The following PI4KA variants were observed in gnomAD, a reference collection of about 807,000 sequenced individuals.
PI4KA encodes phosphatidylinositol 4-kinase alpha, also known as PI4-kinase alpha.
In PI4KA, 122 loss-of-function variants were observed where a neutral mutation model predicts 271.4. The observed-to-expected ratio is 0.45, with a 90% CI of 0.39 to 0.52. The LOEUF is 0.52. PI4KA is among the 20% of genes least tolerant of loss of function. The pLI, the probability that PI4KA is intolerant of heterozygous loss-of-function variation, is 0.00. For synonymous variants in PI4KA, 1,041 were observed against 1,078.8 expected (o/e 0.96, Z 0.69); for missense variants, 1,969 against 2,769.1 (o/e 0.71, Z 6.48).
chr22:20,835,129 T>G (rs1202534932), intron 2 of PI4KA, among the ~76,000 whole-genome samples: 2 of 151,992 alleles, frequency 1.3e-5, no homozygotes, highest in African/African-American at 2.4e-5. Flanking sequence ...CCATTTTCCT[T>G]GTGTTTTTTT....
chr22:20,751,534 C>T, intron 26 of PI4KA, 140 bp downstream of exon 26: 4 of 944,036 alleles, frequency 4.2e-6, no homozygotes, highest in East Asian at 2.5e-5. Context: ...GGCCCCCTCA[C>T]CCCCAACTCG....
intron 32 of PI4KA, 31 bp from the exon 33 acceptor site, chr22:20,734,584 T>C: frequency 6.3e-7 from 1 of 1,599,042 alleles, no homozygotes; most frequent in Non-Finnish European, 8.5e-7. Context: ...TTAGCTCCTC[T>C]GTGAAACACA....
At chr22:20,835,154 C>T (rs1924699284) in intron 2 of PI4KA, among the ~76,000 whole-genome samples, 1 of 151,478 alleles carries the variant, frequency 6.6e-6, no homozygotes, top group Non-Finnish European at 1.5e-5. Context: ...TAATTTTCTA[C>T]TTCATGTTTC....
intron 3 of PI4KA, 35 bp downstream of exon 3, chr22:20,834,527 C>T (rs573214016): frequency 1.6e-6 from 2 of 1,237,882 alleles, no homozygotes; most frequent in South Asian, 1.2e-5. Flanking sequence ...TGTGTATTTT[C>T]TCTTATATTC....
intron 9 of PI4KA, among the ~76,000 whole-genome samples, chr22:20,809,600 C>T (rs1935877534): frequency 6.6e-6 from 1 of 152,142 alleles, no homozygotes; most frequent in Non-Finnish European, 1.5e-5. Flanking sequence ...CAGCCCAGCT[C>T]TCGCCCTGGT....
chr22:20,721,372 T>A lies in PI4KA; in HGVS notation c.5042A>T (p.Gln1681Leu), dbSNP rs756071568. 1 of 1,614,024 alleles carries A rather than the reference T, an allele frequency of 6.2e-7. No homozygotes were observed. The highest frequency in any genetic ancestry group is 1.1e-5 in the South Asian group (1 of 91,074). Residue 1681 changes from glutamine to leucine, a missense_variant, in exon 43 of 55, where the codon CAG becomes CTG. By Grantham distance (113) the Gln-to-Leu change is moderately radical (BLOSUM62 -2). This residue lies in a region of PI4KA where 388 missense variants were observed against 521.5 expected (regional missense o/e 0.74). Coordinates refer to ENST00000255882, the MANE Select transcript of PI4KA (RefSeq NM_058004.4). ...CCAGATGAACTGGTGTGCCAGAAGC[T>A]GGGATTTAGACGCTGCCCACAGAAT... Reference protein sequence around the residue: ...EYILWAASKSQLLAHQFIWNM... With the variant: ...EYILWAASKSLLLAHQFIWNM...
chr22:20,780,288 T>C, intron 19 of PI4KA: 1 of 1,582,850 alleles, frequency 6.3e-7, no homozygotes, highest in Non-Finnish European at 8.7e-7. Context: ...AACTGTACTG[T>C]AGCTATAATT....
intron 1 of PI4KA, among the ~76,000 whole-genome samples, chr22:20,840,758 G>A (rs1269682463): frequency 6.6e-6 from 1 of 151,992 alleles, no homozygotes; most frequent in Non-Finnish European, 1.5e-5. Flanking sequence ...GCTCATGCCT[G>A]TAATCCCAGC....
chr22:20,757,592 T>A (rs773515526), intron 23 of PI4KA, among the ~76,000 whole-genome samples: 13 of 152,134 alleles, frequency 8.5e-5, no homozygotes, highest in South Asian at 2.1e-4. Flanking sequence ...TCTCCCAGGC[T>A]GGAGTGTGTG....
intron 19 of PI4KA, 107 bp downstream of exon 19, chr22:20,793,086 G>C (rs1467175545): frequency 2.7e-6 from 2 of 744,628 alleles, no homozygotes; most frequent in Non-Finnish European, 4.9e-6. Flanking sequence ...AGGCATAGGG[G>C]CCTCAACACT....
rs141113260 is a variant in PI4KA at position 20,849,670 on chromosome 22, C to T, written c.156+8900G>A. Among the ~76,000 whole-genome samples the T allele has an allele frequency of 7.4e-3, 1,124 of 152,004 alleles. 10 individuals carry two copies. The highest frequency in any genetic ancestry group is 0.026 in the African/African-American group (1,082 of 41,438). The stretch of plus-strand genomic sequence containing the variant: ...GGAGATCAAGACCATCCGGCTAACA[C>T]GATGAAACCCTGCCTCTACTAAAAA... On this transcript the variant is annotated intron_variant, in intron 1 of 54. Coordinates refer to ENST00000255882, the MANE Select transcript of PI4KA (RefSeq NM_058004.4).
intron 28 of PI4KA, among the ~76,000 whole-genome samples, chr22:20,748,504 C>T (rs1930350047): frequency 6.6e-6 from 1 of 152,206 alleles, no homozygotes; most frequent in South Asian, 2.1e-4. Context: ...GGATACCTGG[C>T]AGAGCCCAGG....
At chr22:20,726,279 T>G in intron 42 of PI4KA, 3 of 476,136 alleles carry the variant, frequency 6.3e-6, no homozygotes, top group East Asian at 3.9e-5. Context: ...CCACAGAGCA[T>G]GCTTGGGCCT....
At chr22:20,791,191 A>G (rs1934624311) in intron 19 of PI4KA, among the ~76,000 whole-genome samples, 1 of 152,048 alleles carries the variant, frequency 6.6e-6, no homozygotes, top group East Asian at 1.9e-4. Context: ...ACTGCTCAAC[A>G]TATTTGAAAG....
chr22:20,732,781 C>T (rs1168460671), intron 36 of PI4KA, among the ~76,000 whole-genome samples, 190 bp downstream of exon 36: 1 of 152,196 alleles, frequency 6.6e-6, no homozygotes, highest in Non-Finnish European at 1.5e-5. Context: ...TTATGCTTCT[C>T]AGCTCAGGCC....
chr22:20,821,478 G>A (rs551646389), intron 4 of PI4KA, among the ~76,000 whole-genome samples: 3 of 152,114 alleles, frequency 2.0e-5, no homozygotes, highest in East Asian at 2.0e-4. Context: ...CCTTGGCCTC[G>A]CAAAGTGCTG....
rs1430734248 is a variant in PI4KA, at chr22:20,742,659, G to A, written c.3562C>T (p.His1188Tyr). 6.2e-7 allele frequency: 1 copy of A among 1,614,082 alleles called. No individual in the cohort carries two copies. ...HSALDRSHPQHYTQAMFKLTA... is the reference protein window; with the variant it reads ...HSALDRSHPQYYTQAMFKLTA... ...AGCTTGAACATGGCCTGCGTGTAGT[G>A]CTGAGGATGACTGCGGTCTAAAGCT... is the stretch of plus-strand genomic sequence containing the variant. The change falls in exon 31 of 55, where the codon CAC becomes TAC. Residue 1188 changes from histidine to tyrosine, a missense_variant. His to Tyr is a moderately conservative substitution (Grantham distance 83). Coordinates refer to ENST00000255882, the MANE Select transcript of PI4KA (RefSeq NM_058004.4).
At chr22:20,726,281 C>T in intron 42 of PI4KA, 1 of 484,290 alleles carries the variant, frequency 2.1e-6, no homozygotes, top group Admixed American at 4.5e-5. Flanking sequence ...ACAGAGCATG[C>T]TTGGGCCTCA....
chr22:20,715,767 C>T (rs1925919318), intron 45 of PI4KA, among the ~76,000 whole-genome samples: 1 of 152,232 alleles, frequency 6.6e-6, no homozygotes, highest in South Asian at 2.1e-4. Flanking sequence ...AGCCACCGCG[C>T]CCGGCCAACA....
Sources: gnomAD v4.1 joint callset for allele counts (sites outside exome capture counted in the v4.1 genomes callset) on GRCh38, gnomAD v4.1.1 for gene constraint, gnomAD v4.1.1 regional missense constraint, MANE v1.5 for transcripts, NCBI Gene and HGNC (gene_info 2026-07-23, HGNC 2026-07-21) for gene names.